Variants in RIC8B observed in about 807,000 individuals in gnomAD.
RIC8B encodes the protein RIC8 guanine nucleotide exchange factor B, also known as chaperone Ric-8B.
Under a neutral mutation model 57.5 loss-of-function variants are expected in RIC8B, and 16 were observed. The ratio of observed to expected loss-of-function variants is 0.28; its 90% CI spans 0.19 to 0.42. The LOEUF is 0.42. Ranked by LOEUF, RIC8B falls within the 10% of genes least tolerant of loss-of-function variation. The pLI, the probability that RIC8B is intolerant of heterozygous loss-of-function variation, is 1.00. For synonymous variants in RIC8B, 216 were observed against 250.8 expected (o/e 0.86, Z 1.31); for missense variants, 481 against 677.0 (o/e 0.71, Z 3.21).
chr12:106,797,120 G>A (rs2044519516), intron 2 of RIC8B, among the ~76,000 whole-genome samples: 2 of 152,152 alleles, frequency 1.3e-5, no homozygotes, highest in African/African-American at 4.8e-5. Flanking sequence ...TCAAAAGGTT[G>A]AATAATTACC....
intron 9 of RIC8B, chr12:106,871,486 A>AC (rs1950408197): frequency 7.0e-6 from 1 of 142,974 alleles, no homozygotes. Flanking sequence ...AAAAAAAAAA[A>AC]AAAAAAAAAA....
rs76159264 is a variant in RIC8B at position 106,819,155 on chromosome 12, T to C, written c.741+3851T>C. On this transcript the variant is annotated intron_variant, in intron 3 of 9. Transcript: ENST00000392837. ...CAAAAATGCAGTCATTTAATAATCTTAGTCTTTTTTCTTCACAATAAAAAT... is the reference window on the plus strand; with the variant it reads ...CAAAAATGCAGTCATTTAATAATCTCAGTCTTTTTTCTTCACAATAAAAAT... 5.8e-3 allele frequency among the ~76,000 whole-genome samples: 890 copies of C among 152,344 alleles called. 7 individuals carry two copies. The highest frequency in any genetic ancestry group is 9.2e-3 in the Non-Finnish European group (626 of 68,020).
chr12:106,780,594 A>C (rs947704629), intron 1 of RIC8B, among the ~76,000 whole-genome samples: 51 of 152,238 alleles, frequency 3.4e-4, no homozygotes, highest in African/African-American at 1.2e-3. Context: ...GTTCTTGCAG[A>C]GAAGCATGTT....
rs1478210042 is a variant in RIC8B at position 106,867,972 on chromosome 12, T to C, written c.1452-2851T>C. On this transcript the variant is annotated intron_variant, in intron 8 of 9. Coordinates refer to ENST00000392837, the MANE Select transcript of RIC8B (RefSeq NM_001330145.2). The surrounding 1 kb of genome is among the most constrained non-coding windows in gnomAD (Gnocchi z 4.3). ...TAAGAATGAATTTCTGCCTTCTGCTTTTATACTCAGATAGCAAGAATTGTG... is the reference window on the plus strand; with the variant it reads ...TAAGAATGAATTTCTGCCTTCTGCTCTTATACTCAGATAGCAAGAATTGTG... Among the ~76,000 whole-genome samples the C allele has an allele frequency of 6.6e-6, 1 of 152,202 alleles. No homozygotes were observed. Among genetic ancestry groups the C allele is most frequent in the Non-Finnish European group, 1.5e-5 (1 of 68,040 alleles).
intron 9 of RIC8B, among the ~76,000 whole-genome samples, chr12:106,883,063 G>A (rs907524786): frequency 6.6e-6 from 1 of 152,144 alleles, no homozygotes; most frequent in African/African-American, 2.4e-5. Flanking sequence ...ACACAAGTTA[G>A]TAGCTAGCCC....
chr12:106,871,718 G>T (rs1950440876), intron 9 of RIC8B, among the ~76,000 whole-genome samples: 1 of 152,152 alleles, frequency 6.6e-6, no homozygotes, highest in African/African-American at 2.4e-5. Flanking sequence ...GCTTCTGTGT[G>T]TTGGTGGCAG....
At chr12:106,840,780 G>A (rs1034004200) in intron 4 of RIC8B, among the ~76,000 whole-genome samples, 4 of 152,042 alleles carry the variant, frequency 2.6e-5, no homozygotes, top group Non-Finnish European at 4.4e-5. Flanking sequence ...GAATTTAAAG[G>A]GGAAACATTC....
intron 6 of RIC8B, among the ~76,000 whole-genome samples, chr12:106,844,638 A>T (rs1461299144): frequency 6.6e-6 from 1 of 152,216 alleles, no homozygotes; most frequent in Non-Finnish European, 1.5e-5. Context: ...GCTTAAAGAT[A>T]TCCTGGCTAC....
chr12:106,869,184 T>C (rs1362854888), intron 8 of RIC8B, among the ~76,000 whole-genome samples: 1 of 152,082 alleles, frequency 6.6e-6, no homozygotes, highest in East Asian at 1.9e-4. Flanking sequence ...AATGGCAAGA[T>C]AGGTTTTGAA....
At chr12:106,812,823 T>G (rs1040351033) in intron 2 of RIC8B, among the ~76,000 whole-genome samples, 1 of 152,204 alleles carries the variant, frequency 6.6e-6, no homozygotes, top group African/African-American at 2.4e-5. Context: ...TTAACAATGA[T>G]AGTAAAATAT....
chr12:106,796,163 A>T (rs1415191461), intron 2 of RIC8B, among the ~76,000 whole-genome samples: 2 of 152,202 alleles, frequency 1.3e-5, no homozygotes, highest in Non-Finnish European at 2.9e-5. Context: ...TCTAAAATTC[A>T]TATGAATTTT....
intron 4 of RIC8B, 47 bp from the exon 5 acceptor site, chr12:106,842,542 A>G: frequency 7.1e-7 from 1 of 1,407,780 alleles, no homozygotes; most frequent in Non-Finnish European, 1.0e-6. Flanking sequence ...ATTTTAAAGG[A>G]CTATTCAATC....
chr12:106,775,567 T>A, intron 1 of RIC8B: 1 of 315,360 alleles, frequency 3.2e-6, no homozygotes, highest in Non-Finnish European at 6.4e-6. Flanking sequence ...CTAGATTGGT[T>A]AAGTAACTTG....
Position 106,851,542 on chromosome 12 carries a change from T to C in RIC8B, c.1254T>C (p.Leu418=). 6.2e-7 allele frequency: 1 copy of C among 1,613,456 alleles called. No homozygotes were observed. Reference sequence around the variant, plus strand: ...TGCGCCTCATGACACATGTTGACCTTGGAGTCAAGCAAATTGCTGCTGAAT... The same window carrying C: ...TGCGCCTCATGACACATGTTGACCTCGGAGTCAAGCAAATTGCTGCTGAAT... ...KLVRLMTHVD[L]GVKQIAAEFL... is the part of the protein sequence containing the mutation. Residue 418 remains leucine (L), a synonymous_variant, in exon 7 of 10, where the codon CTT becomes CTC. Transcript: ENST00000392837.
intron 8 of RIC8B, among the ~76,000 whole-genome samples, chr12:106,866,416 T>C (rs920347776): frequency 6.6e-6 from 1 of 152,136 alleles, no homozygotes; most frequent in East Asian, 1.9e-4. Context: ...AATTTCCATT[T>C]TGTTCTTTAT....
At chr12:106,843,576 G>T (rs1277183479) in intron 5 of RIC8B, among the ~76,000 whole-genome samples, 2 of 151,880 alleles carry the variant, frequency 1.3e-5, no homozygotes, top group African/African-American at 4.8e-5. Flanking sequence ...CAAAAAATTA[G>T]CCAGGTGTGG....
intron 3 of RIC8B, chr12:106,822,490 A>C (rs1593209020): frequency 6.6e-6 from 1 of 152,250 alleles, no homozygotes. Flanking sequence ...CAAGCTGGAA[A>C]CAATCCAAGT....
rs371085809 is a variant in RIC8B at position 106,809,197 on chromosome 12, A to G, written c.133-5499A>G. On this transcript the variant is annotated intron_variant, in intron 2 of 9. Coordinates refer to ENST00000392837, the MANE Select transcript of RIC8B (RefSeq NM_001330145.2). ...GTCCTGATCTTTTATTTCTTAGCCA[A>G]GTGGCTCCAGGCAATCATTTAACGT... Among the ~76,000 whole-genome samples, 85 of 152,318 alleles carry G rather than the reference A, an allele frequency of 5.6e-4. 1 individual carries two copies. Among genetic ancestry groups the G allele is most frequent in the African/African-American group, 1.8e-3 (76 of 41,576 alleles).
intron 1 of RIC8B, among the ~76,000 whole-genome samples, chr12:106,775,862 T>C (rs2043451861): frequency 6.6e-6 from 1 of 152,240 alleles, no homozygotes; most frequent in South Asian, 2.1e-4. Flanking sequence ...TGTTAATGTT[T>C]TTCTTTCTTT....
Sources: allele counts gnomAD v4.1 joint callset (sites outside exome capture counted in the v4.1 genomes callset), GRCh38; gene constraint gnomAD v4.1.1; non-coding constraint Gnocchi (gnomAD v3.1); transcripts MANE v1.5; gene names NCBI Gene and HGNC (gene_info 2026-07-23, HGNC 2026-07-21).